Variants in C17orf75 observed in about 807,000 individuals in gnomAD.
The protein encoded by C17orf75 is chromosome 17 open reading frame 75.
Under a neutral mutation model 49.6 loss-of-function variants are expected in C17orf75, and 32 were observed. The observed-to-expected ratio is 0.65, with a 90% confidence interval of 0.49 to 0.87. The LOEUF is 0.87. Among genes scored for constraint, C17orf75 ranks in the 40% least tolerant of loss-of-function variants. The pLI, the probability that C17orf75 is intolerant of heterozygous loss-of-function variation, is 0.00. For missense variants in C17orf75, 428 were observed against 473.9 expected, an observed-to-expected ratio of 0.90 and a Z score of 0.90; for synonymous variants, 158 against 159.5, an observed-to-expected ratio of 0.99 and a Z score of 0.07.
At chr17:32,338,142 A>G in intron 4 of C17orf75, 66 bp downstream of exon 4, 1 of 1,584,096 alleles carries the variant, frequency 6.3e-7, no homozygotes, top group Admixed American at 1.9e-5. Flanking sequence ...GGTTGGTAGT[A>G]ATATTCTTCC....
rs537329262 is a variant in C17orf75 at position 32,335,397 on chromosome 17, A to G, written c.595T>C (p.Phe199Leu). Residue 199 changes from phenylalanine to leucine, a missense_variant, in exon 6 of 10, where the codon TTT (phenylalanine) becomes CTT (leucine). Physicochemically the swap from Phe to Leu is conservative, Grantham distance 22. Transcript: ENST00000577809. ...TGGATTGGGCATACAACATCCTCAA[A>G]CCAGCTGCTCAGATAGGATTTTATG... ...SHIKSYLSSW[F>L]EDVVCPIQRV... The G allele has an allele frequency of 6.2e-7, 1 of 1,613,984 alleles. No homozygotes were observed. Among genetic ancestry groups the G allele is most frequent in the South Asian group, 1.1e-5 (1 of 91,086 alleles).
chr17:32,331,274 A>G lies in C17orf75; in HGVS notation c.*489T>C, dbSNP rs966362186. On this transcript the variant is annotated 3_prime_UTR_variant, in exon 10 of 10. Coordinates refer to ENST00000577809, the MANE Select transcript of C17orf75 (RefSeq NM_022344.4). Reference sequence around the variant, plus strand: ...TCATCCATGCCGTTATCAACTAGACAAAAAAATGTATCAAGCACCCACAGG... The same window carrying G: ...TCATCCATGCCGTTATCAACTAGACGAAAAAATGTATCAAGCACCCACAGG... The G allele has an allele frequency of 1.3e-5, 2 of 153,236 alleles. No homozygotes were observed. The highest frequency in any genetic ancestry group is 4.8e-5 in the African/African-American group (2 of 41,454). The allele number at this position is 153,236 out of a possible 1,614,324, so 9.5% of individuals were successfully genotyped here. A position where few individuals can be genotyped will look rare whatever the true frequency, so the allele number is the denominator to read the frequency against.
intron 9 of C17orf75, among the ~76,000 whole-genome samples, chr17:32,332,433 C>T (rs113777377): frequency 3.9e-5 from 6 of 152,284 alleles, no homozygotes; most frequent in African/African-American, 9.6e-5. Context: ...TGAGCCACCA[C>T]GCGCAGCCAA....
rs2041275561 is a variant in C17orf75 at position 32,331,757 on chromosome 17, A to G, written c.*6T>C. 1 of 1,598,952 alleles carries G rather than the reference A, an allele frequency of 6.3e-7. No homozygotes were observed. The highest frequency in any genetic ancestry group is 1.7e-5 in the Admixed American group (1 of 59,936). On this transcript the variant is annotated 3_prime_UTR_variant, in exon 10 of 10. Transcript: ENST00000577809. ...CTTGATCATACAATTATCTCAAAAC[A>G]TATGATCAAAAACTTTGGTCAAGAG...
chr17:32,344,127 G>T, upstream of C17orf75: 1 of 543,444 alleles, frequency 1.8e-6, no homozygotes, highest in East Asian at 3.0e-5. Flanking sequence ...GTCTTCATTT[G>T]CCCAGACTGA....
At chr17:32,339,263 C>T (rs1208219617) in intron 3 of C17orf75, among the ~76,000 whole-genome samples, 2 of 150,826 alleles carry the variant, frequency 1.3e-5, no homozygotes, top group African/African-American at 4.9e-5. Flanking sequence ...AAGAGAGTAT[C>T]TGCTATATTT....
At chr17:32,345,741 A>G (rs2041420762), upstream of C17orf75, among the ~76,000 whole-genome samples, 1 of 152,032 alleles carries the variant, frequency 6.6e-6, no homozygotes, top group Non-Finnish European at 1.5e-5. Context: ...GAGGCAGCAG[A>G]ATCCCCATGT....
intron 9 of C17orf75, among the ~76,000 whole-genome samples, chr17:32,332,869 G>A (rs2041290173): frequency 6.6e-6 from 1 of 152,042 alleles, no homozygotes; most frequent in South Asian, 2.1e-4. Context: ...GAGTGCAGTG[G>A]CACAATCTGG....
Position 32,329,671 on chromosome 17 carries a change from A to G in C17orf75, c.*2092T>C, listed in dbSNP as rs2041258863. On this transcript the variant is annotated 3_prime_UTR_variant, in exon 10 of 10. Coordinates refer to ENST00000577809, the MANE Select transcript of C17orf75 (RefSeq NM_022344.4). ...TGCTTTTAAATGCCATTTACAACATAGACTCTTGAATGACATGAATTTGAA... is the reference window on the plus strand; with the variant it reads ...TGCTTTTAAATGCCATTTACAACATGGACTCTTGAATGACATGAATTTGAA... The G allele has an allele frequency of 6.6e-6, 1 of 152,198 alleles. No individual in the cohort carries two copies. Among genetic ancestry groups the G allele is most frequent in the South Asian group, 2.1e-4 (1 of 4,836 alleles). 9.4% of individuals were successfully genotyped at this position (152,198 alleles called of 1,614,324 possible). A position where few individuals can be genotyped will look rare whatever the true frequency, so the allele number is the denominator to read the frequency against.
upstream of C17orf75, among the ~76,000 whole-genome samples, chr17:32,342,764 T>G (rs762306293): frequency 6.6e-6 from 1 of 151,896 alleles, no homozygotes; most frequent in Non-Finnish European, 1.5e-5. Flanking sequence ...GGTGAAACTG[T>G]GTCTCTACTA....
Position 32,342,151 on chromosome 17 carries a change from C to T in C17orf75, c.-12G>A, listed in dbSNP as rs547809232. On this transcript the variant is annotated 5_prime_UTR_variant, in exon 1 of 10. Transcript: ENST00000577809. ...AAAGAGGGGAGCATTGCGGCGGCCTCTGAGCGGCCCTGTGTCTCCGCCAAA... is the reference window on the plus strand; with the variant it reads ...AAAGAGGGGAGCATTGCGGCGGCCTTTGAGCGGCCCTGTGTCTCCGCCAAA... 22 of 1,588,084 alleles carry T rather than the reference C, an allele frequency of 1.4e-5. No homozygotes were observed. The East Asian group carries it at 2.8e-4, about 20-fold the overall frequency.
chr17:32,348,915 G>A (rs2150782710), intron 1 of C17orf75, among the ~76,000 whole-genome samples: 1 of 128,598 alleles, frequency 7.8e-6, no homozygotes, highest in East Asian at 2.0e-4. Flanking sequence ...ACCCAGGCTG[G>A]AATGCAATGG....
At chr17:32,348,684 G>A (rs2041447972) in intron 1 of C17orf75, among the ~76,000 whole-genome samples, 1 of 152,122 alleles carries the variant, frequency 6.6e-6, no homozygotes, top group Admixed American at 6.5e-5. Flanking sequence ...CCCAAGCACT[G>A]GACTTTTAAC....
At chr17:32,346,539 A>G (rs936926057), upstream of C17orf75, among the ~76,000 whole-genome samples, 1 of 152,168 alleles carries the variant, frequency 6.6e-6, no homozygotes, top group African/African-American at 2.4e-5. Flanking sequence ...GGAATGGGCT[A>G]GCGCACCAGG....
At chr17:32,347,825 C>T (rs577508856) in intron 1 of C17orf75, among the ~76,000 whole-genome samples, 1 of 152,248 alleles carries the variant, frequency 6.6e-6, no homozygotes, top group East Asian at 1.9e-4. Flanking sequence ...ACGTTTCAAG[C>T]AGTTGGGGGG....
chr17:32,341,881 A>G, intron 1 of C17orf75, 119 bp downstream of exon 1: 1 of 1,080,908 alleles, frequency 9.3e-7, no homozygotes, highest in Non-Finnish European at 1.1e-6. Flanking sequence ...GGAGAGGAGA[A>G]GATGGCTTTT....
In C17orf75 at chr17:32,342,165, G is replaced by A. The variant is rs2041388852; in HGVS notation, c.-26C>T. The A allele has an allele frequency of 6.4e-7, 1 of 1,555,488 alleles. No homozygotes were observed. Among genetic ancestry groups the A allele is most frequent in the African/African-American group, 1.4e-5 (1 of 72,594 alleles). On this transcript the variant is annotated 5_prime_UTR_variant, in exon 1 of 10. Coordinates refer to ENST00000577809, the MANE Select transcript of C17orf75 (RefSeq NM_022344.4). ...TGCGGCGGCCTCTGAGCGGCCCTGT[G>A]TCTCCGCCAAACCGCTCCCCTGCTC...
chr17:32,349,129 AT>A (rs1316304553), intron 1 of C17orf75, among the ~76,000 whole-genome samples: 1 of 150,862 alleles, frequency 6.6e-6, no homozygotes, highest in Non-Finnish European at 1.5e-5. Context: ...GCCTTGGCCC[AT>A]AGTGTTGGGA....
At chr17:32,343,794 A>G, upstream of C17orf75, 1 of 667,406 alleles carries the variant, frequency 1.5e-6, no homozygotes, top group Non-Finnish European at 2.8e-6. Context: ...ACAACACATG[A>G]CAGAGGCATT....
Sources: gnomAD v4.1 joint callset for allele counts (sites outside exome capture counted in the v4.1 genomes callset) on GRCh38, gnomAD v4.1.1 for gene constraint, MANE v1.5 for transcripts, NCBI Gene and HGNC (gene_info 2026-07-23, HGNC 2026-07-21) for gene names.